FOXP2: variants seen among roughly 807,000 people sequenced by gnomAD.
The protein encoded by FOXP2 is forkhead box protein P2.
In FOXP2, 12 loss-of-function variants were observed where a neutral mutation model predicts 115.8. The observed-to-expected ratio is 0.10, with a 90% CI of 0.07 to 0.17. FOXP2 has a LOEUF of 0.17. FOXP2 is among the 10% of genes least tolerant of loss of function. FOXP2 has a pLI of 1.00. For synonymous variants in FOXP2, 328 were observed against 297.7 expected (o/e 1.10, Z -1.05); for missense variants, 629 against 843.5 (o/e 0.75, Z 3.15).
At chr7:114,492,267 T>A (rs1406186010) in intron 2 of FOXP2, among the ~76,000 whole-genome samples, 1 of 152,174 alleles carries the variant, frequency 6.6e-6, no homozygotes, top group Non-Finnish European at 1.5e-5. Flanking sequence ...ATCCCCTTTA[T>A]CATTTTTTAT....
At chr7:114,169,452 CT>C (rs562531558) in intron 1 of FOXP2, among the ~76,000 whole-genome samples, 192 of 152,284 alleles carry the variant, frequency 1.3e-3, no homozygotes, top group Non-Finnish European at 2.4e-3. Context: ...CCTGTATCCA[CT>C]TTGTTTTGGT....
intron 3 of FOXP2, among the ~76,000 whole-genome samples, chr7:114,578,550 G>T (rs1370190862): frequency 6.6e-6 from 1 of 152,032 alleles, no homozygotes; most frequent in Non-Finnish European, 1.5e-5. Context: ...TTGACTCATG[G>T]TTCATATGTA....
chr7:114,378,701 A>AAAAG (rs1554380027), intron 2 of FOXP2, among the ~76,000 whole-genome samples: 3 of 106,800 alleles, frequency 2.8e-5, no homozygotes, highest in Non-Finnish European at 5.7e-5. Context: ...AAAAAAAAAA[A>AAAAG]GGAAAAGAAA....
intron 2 of FOXP2, among the ~76,000 whole-genome samples, chr7:114,304,255 A>G (rs1796947448): frequency 6.6e-6 from 1 of 152,144 alleles, no homozygotes; most frequent in Admixed American, 6.5e-5. Flanking sequence ...GGCTAATCAC[A>G]TGAAGAATGG....
chr7:114,529,755 G>A (rs960199221), intron 2 of FOXP2, among the ~76,000 whole-genome samples: 11 of 151,648 alleles, frequency 7.3e-5, no homozygotes, highest in Admixed American at 7.2e-4. Flanking sequence ...TTGAAAATAG[G>A]TTATGCCAAT....
chr7:114,127,217 G>A (rs1170828123), intron 1 of FOXP2, among the ~76,000 whole-genome samples: 1 of 152,142 alleles, frequency 6.6e-6, no homozygotes, highest in African/African-American at 2.4e-5. Flanking sequence ...CTCTATCAAA[G>A]TCAACAAGAG....
At chr7:114,475,791 C>T (rs566905691) in intron 2 of FOXP2, among the ~76,000 whole-genome samples, 3 of 151,668 alleles carry the variant, frequency 2.0e-5, no homozygotes, top group East Asian at 1.9e-4. Context: ...ACAGGTACCC[C>T]GTTTCTAATT....
At chr7:114,457,344 TA>T (rs773237133) in intron 2 of FOXP2, among the ~76,000 whole-genome samples, 13 of 152,320 alleles carry the variant, frequency 8.5e-5, no homozygotes, top group Non-Finnish European at 1.9e-4. Context: ...CTTTAAAATT[TA>T]ACCATAATAC....
chr7:114,566,758 A>G (rs1801045410), intron 3 of FOXP2, among the ~76,000 whole-genome samples: 1 of 152,096 alleles, frequency 6.6e-6, no homozygotes, highest in South Asian at 2.1e-4. Flanking sequence ...ATAAGACACT[A>G]AAGTTTTAAA....
chr7:114,393,023 T>C lies in FOXP2; in HGVS notation c.-10-33479T>C, dbSNP rs145685393. Among the ~76,000 whole-genome samples, 129 of 152,210 alleles carry C rather than the reference T, an allele frequency of 8.5e-4. No individual in the cohort carries two copies. In the Middle Eastern group the frequency reaches 0.027, roughly 32 times the overall value. On this transcript the variant is annotated intron_variant, in intron 2 of 17. Coordinates refer to the FOXP2 transcript ENST00000634411. ...TACTCAGGAAAAAAGAAATCCAGATTCTGGTGAGGAAAGCAGTATGTGTTC... is the reference window on the plus strand; with the variant it reads ...TACTCAGGAAAAAAGAAATCCAGATCCTGGTGAGGAAAGCAGTATGTGTTC...
chr7:114,355,847 C>T (rs544985747), intron 2 of FOXP2, among the ~76,000 whole-genome samples: 1 of 152,114 alleles, frequency 6.6e-6, no homozygotes, highest in Non-Finnish European at 1.5e-5. Flanking sequence ...GTTCTCCTAG[C>T]GTCCTAGGCT....
chr7:114,255,562 G>A (rs1052729608), intron 1 of FOXP2, among the ~76,000 whole-genome samples: 1 of 152,182 alleles, frequency 6.6e-6, no homozygotes, highest in Non-Finnish European at 1.5e-5. Flanking sequence ...AGCAATGAAC[G>A]AGGATCCGTG....
chr7:114,442,022 G>T (rs1794626319), intron 2 of FOXP2, among the ~76,000 whole-genome samples: 13 of 152,052 alleles, frequency 8.5e-5, no homozygotes, highest in Admixed American at 8.5e-4. Flanking sequence ...AAGAGGAATG[G>T]AAACACTTAT....
intron 3 of FOXP2, among the ~76,000 whole-genome samples, chr7:114,618,812 T>G (rs1249634136): frequency 2.6e-5 from 4 of 152,140 alleles, no homozygotes; most frequent in African/African-American, 9.7e-5. Flanking sequence ...TGTCTTAGTA[T>G]TCTACTTGTA....
At chr7:114,634,228 TC>T (rs1399772624) in intron 6 of FOXP2, among the ~76,000 whole-genome samples, 11 of 152,246 alleles carry the variant, frequency 7.2e-5, no homozygotes, top group Non-Finnish European at 8.8e-5. Context: ...ACCCCTGACC[TC>T]AAGTGATCCG....
At chr7:114,096,316 C>T (rs562363710) in intron 1 of FOXP2, among the ~76,000 whole-genome samples, 1 of 152,270 alleles carries the variant, frequency 6.6e-6, no homozygotes, top group East Asian at 1.9e-4. Context: ...GAAATTAACT[C>T]AACAGTCTGA....
At chr7:114,531,132 A>G (rs1799122386) in intron 2 of FOXP2, among the ~76,000 whole-genome samples, 1 of 151,848 alleles carries the variant, frequency 6.6e-6, no homozygotes, top group African/African-American at 2.4e-5. Flanking sequence ...TGTTTCTGAT[A>G]CATTGGAAAC....
intron 1 of FOXP2, among the ~76,000 whole-genome samples, chr7:114,253,760 T>C (rs1795518533): frequency 6.6e-6 from 1 of 152,246 alleles, no homozygotes; most frequent in Non-Finnish European, 1.5e-5. Flanking sequence ...TGTCAGTCTG[T>C]GTATTTTAAT....
chr7:114,107,208 G>C (rs1261490583), intron 1 of FOXP2, among the ~76,000 whole-genome samples: 2 of 151,970 alleles, frequency 1.3e-5, no homozygotes, highest in African/African-American at 2.4e-5. Context: ...TAGGAAGCCA[G>C]TTTTCCTGGT....
Sources: allele counts gnomAD v4.1 joint callset (sites outside exome capture counted in the v4.1 genomes callset), GRCh38; gene constraint gnomAD v4.1.1; transcripts MANE v1.5; gene names NCBI Gene and HGNC (gene_info 2026-07-23, HGNC 2026-07-21).